NECAB1: variants seen among roughly 807,000 people sequenced by gnomAD.
NECAB1 encodes the protein N-terminal EF-hand calcium-binding protein 1.
A neutral mutation model predicts 57.5 loss-of-function variants in NECAB1; 29 were observed. The ratio of observed to expected loss-of-function variants is 0.50; its 90% CI spans 0.38 to 0.69. The LOEUF (loss-of-function observed/expected upper bound fraction) is 0.69. Ranked by LOEUF, NECAB1 falls within the 30% of genes least tolerant of loss-of-function variation. The pLI, the probability that NECAB1 is intolerant of heterozygous loss-of-function variation, is 0.00. For synonymous variants in NECAB1, 142 were observed against 147.7 expected (o/e 0.96, Z 0.28); for missense variants, 372 against 413.8 (o/e 0.90, Z 0.88).
In NECAB1 at chr8:90,870,152, G is replaced by T. The variant is rs757749178; in HGVS notation, c.234-1976G>T. Reference sequence around the variant, plus strand: ...CTTCTGCCACGATTGTAAGTTTCCTGAGTCCTCCCCAGCCATGCTTCCTGA... The same window carrying T: ...CTTCTGCCACGATTGTAAGTTTCCTTAGTCCTCCCCAGCCATGCTTCCTGA... On this transcript the variant is annotated intron_variant, in intron 3 of 12. Coordinates refer to ENST00000417640, the MANE Select transcript of NECAB1 (RefSeq NM_022351.5). 3.9e-5 allele frequency among the ~76,000 whole-genome samples: 6 copies of T among 152,204 alleles called. No homozygotes were observed. In the South Asian group the frequency reaches 6.2e-4, roughly 16 times the overall value.
At chr8:90,906,887 A>ATATATATATATATATATATG (rs1809675934) in intron 5 of NECAB1, among the ~76,000 whole-genome samples, 5 of 121,662 alleles carry the variant, frequency 4.1e-5, no homozygotes, top group East Asian at 4.7e-4. Flanking sequence ...ATATATATAT[A>ATATATATATATATATATATG]TATATATATA....
chr8:90,898,685 A>C (rs1809422591), intron 5 of NECAB1, among the ~76,000 whole-genome samples: 1 of 152,204 alleles, frequency 6.6e-6, no homozygotes, highest in African/African-American at 2.4e-5. Context: ...ATTGAGAAAG[A>C]GACAGCTACT....
Position 90,824,833 on chromosome 8 carries a change from AC to A in NECAB1, c.233+9del, listed in dbSNP as rs1351197022. On this transcript the variant is annotated intron_variant, in intron 3 of 12. Transcript: ENST00000417640. ...TGATACACATAATACTAAGTAAGAA[AC>A]TTTTTTATCACTGGATTCCACAAGT... is the stretch of plus-strand genomic sequence containing the variant. 11 of 1,417,152 alleles carry A rather than the reference AC, an allele frequency of 7.8e-6. No individual in the cohort carries two copies. The highest frequency in any genetic ancestry group is 2.7e-5 in the South Asian group (2 of 73,450). 87.8% of individuals were successfully genotyped at this position (1,417,152 alleles called of 1,614,324 possible).
At chr8:90,830,587 C>T (rs1306321267) in intron 3 of NECAB1, among the ~76,000 whole-genome samples, 1 of 152,054 alleles carries the variant, frequency 6.6e-6, no homozygotes, top group Non-Finnish European at 1.5e-5. Flanking sequence ...CCTGAACTGG[C>T]CATCAGTAAA....
chr8:90,934,445 A>C, intron 9 of NECAB1, 88 bp downstream of exon 9: 1 of 908,196 alleles, frequency 1.1e-6, no homozygotes, highest in Admixed American at 3.5e-5. Flanking sequence ...TCTCAATGAA[A>C]AATTGAAAAA....
intron 5 of NECAB1, among the ~76,000 whole-genome samples, chr8:90,913,161 CACAG>C (rs1317474950): frequency 1.3e-5 from 2 of 152,138 alleles, no homozygotes; most frequent in East Asian, 3.9e-4. Flanking sequence ...AATTAAGATG[CACAG>C]ACAGTTTTCT....
chr8:90,906,953 A>G (rs942106509), intron 5 of NECAB1, among the ~76,000 whole-genome samples: 8 of 134,582 alleles, frequency 5.9e-5, no homozygotes, highest in Non-Finnish European at 1.1e-4. Flanking sequence ...TGGTGCAAAC[A>G]TGGCTCACTG....
At chr8:90,858,210 A>G (rs1812828531) in intron 3 of NECAB1, among the ~76,000 whole-genome samples, 2 of 152,190 alleles carry the variant, frequency 1.3e-5, no homozygotes, top group African/African-American at 4.8e-5. Context: ...AGCACTGAGA[A>G]TGTGATAATA....
At chr8:90,879,070 A>AATATATATT (rs566438783) in intron 4 of NECAB1, among the ~76,000 whole-genome samples, 2 of 142,568 alleles carry the variant, frequency 1.4e-5, no homozygotes, top group Non-Finnish European at 3.0e-5. Context: ...TCTTATATAT[A>AATATATATT]ATATATATTA....
chr8:90,871,785 A>C (rs1244405657), intron 3 of NECAB1, among the ~76,000 whole-genome samples: 1 of 152,196 alleles, frequency 6.6e-6, no homozygotes, highest in Non-Finnish European at 1.5e-5. Flanking sequence ...ACAGAGATGT[A>C]AAGTAGCCAG....
chr8:90,847,880 G>A (rs376164127), intron 3 of NECAB1, among the ~76,000 whole-genome samples: 25 of 152,210 alleles, frequency 1.6e-4, no homozygotes, highest in East Asian at 3.9e-4. Context: ...CATTTTTTTC[G>A]CCTTGGCCTC....
intron 1 of NECAB1, 86 bp downstream of exon 1, chr8:90,792,071 C>G (rs762148592): frequency 1.4e-5 from 15 of 1,047,722 alleles, no homozygotes; most frequent in Non-Finnish European, 1.4e-5. Flanking sequence ...AGGTGCTGAC[C>G]AGCCAATGCT....
intron 7 of NECAB1, 140 bp from the exon 8 acceptor site, chr8:90,928,082 TC>T (rs1399095818): frequency 1.6e-6 from 1 of 639,824 alleles, no homozygotes; most frequent in Non-Finnish European, 2.7e-6. Context: ...TAGAAAGCAC[TC>T]GTGAATACAT....
intron 3 of NECAB1, among the ~76,000 whole-genome samples, chr8:90,869,164 G>A (rs952333420): frequency 2.0e-5 from 3 of 152,224 alleles, no homozygotes; most frequent in African/African-American, 7.2e-5. Flanking sequence ...CTGAGGGTTG[G>A]GAGCTTCTGC....
chr8:90,876,772 C>G (rs1808734712), intron 4 of NECAB1, among the ~76,000 whole-genome samples: 1 of 152,098 alleles, frequency 6.6e-6, no homozygotes, highest in African/African-American at 2.4e-5. Context: ...ATAAACTGTG[C>G]TCTACTTTTT....
intron 8 of NECAB1, among the ~76,000 whole-genome samples, chr8:90,930,265 G>A (rs530290044): frequency 1.7e-4 from 26 of 152,302 alleles, no homozygotes; most frequent in Non-Finnish European, 3.1e-4. Context: ...AACACTTGAA[G>A]TGCAATTAAC....
At chr8:90,946,771 C>T (rs1032315285) in intron 10 of NECAB1, among the ~76,000 whole-genome samples, 18 of 152,148 alleles carry the variant, frequency 1.2e-4, no homozygotes, top group African/African-American at 4.1e-4. Flanking sequence ...GCATACTTCC[C>T]CTTGCATCTC....
chr8:90,954,039 A>C (rs1017782560), intron 12 of NECAB1, among the ~76,000 whole-genome samples: 1 of 151,756 alleles, frequency 6.6e-6, no homozygotes, highest in African/African-American at 2.4e-5. Flanking sequence ...AGTGCACTCC[A>C]GCCTGGGTGA....
At chr8:90,831,148 G>A (rs1812292919) in intron 3 of NECAB1, among the ~76,000 whole-genome samples, 1 of 152,074 alleles carries the variant, frequency 6.6e-6, no homozygotes. Context: ...GTTACTAGAA[G>A]CTCAAGGTTC....
Sources: allele counts gnomAD v4.1 joint callset (sites outside exome capture counted in the v4.1 genomes callset), GRCh38; gene constraint gnomAD v4.1.1; transcripts MANE v1.5; gene names NCBI Gene and HGNC (gene_info 2026-07-23, HGNC 2026-07-21).